Variants in PLS1 observed in about 807,000 individuals in gnomAD.
PLS1 encodes plastin-1.
PLS1 carries 32 observed loss-of-function variants against 73.7 expected under a neutral mutation model. The observed-to-expected ratio is 0.43, with a 90% confidence interval of 0.33 to 0.58. PLS1 has a LOEUF of 0.58. PLS1 is among the 20% of genes least tolerant of loss of function. The probability of loss-of-function intolerance (pLI) is 0.04; values close to 1 mark genes in which losing one functional copy is unlikely to be tolerated. For missense variants in PLS1, 633 were observed against 740.5 expected, an observed-to-expected ratio of 0.85 and a Z score of 1.68; for synonymous variants, 217 against 261.3, an observed-to-expected ratio of 0.83 and a Z score of 1.63.
chr3:142,601,790 T>G (rs933570748), intron 1 of PLS1, among the ~76,000 whole-genome samples: 2 of 152,142 alleles, frequency 1.3e-5, no homozygotes, highest in African/African-American at 4.8e-5. Flanking sequence ...GCCCTGAGAT[T>G]ACAGGCATGA....
intron 14 of PLS1, 49 bp downstream of exon 14, chr3:142,704,635 ATTTTTTTTTTT>A (rs10631186): frequency 1.0e-3 from 270 of 261,880 alleles, no homozygotes; most frequent in South Asian, 2.0e-3. Flanking sequence ...ATAGGAAGGA[ATTTTTTTTTTT>A]TTTTTTTTTT....
intron 1 of PLS1, chr3:142,663,996 T>C (rs2037425758): frequency 7.3e-6 from 2 of 272,200 alleles, no homozygotes; most frequent in East Asian, 1.2e-4. Context: ...GAAAAATAGG[T>C]GTTTCTTCCC....
chr3:142,657,731 G>T (rs1223248687), intron 1 of PLS1, among the ~76,000 whole-genome samples: 1 of 151,934 alleles, frequency 6.6e-6, no homozygotes, highest in Non-Finnish European at 1.5e-5. Flanking sequence ...CTCATGATCC[G>T]CCCACCTCGC....
Position 142,711,547 on chromosome 3 carries a change from C to T in PLS1, c.1676C>T (p.Ala559Val), listed in dbSNP as rs749629040. Residue 559 changes from alanine to valine, a missense_variant, in exon 15 of 16, where the codon GCC becomes GTC. Physicochemically the swap from Ala to Val is moderately conservative, Grantham distance 64. Transcript: ENST00000457734. Reference protein sequence around the residue: ...TSLPVLDLIDAIAPNAVRQEM... With the variant: ...TSLPVLDLIDVIAPNAVRQEM... Reference sequence around the variant, plus strand: ...TTACCTGTCCTAGATTTAATAGATGCCATTGCACCAAATGCAGTTCGTCAA... The same window carrying T: ...TTACCTGTCCTAGATTTAATAGATGTCATTGCACCAAATGCAGTTCGTCAA... The T allele has an allele frequency of 6.3e-6, 10 of 1,599,918 alleles. No homozygotes were observed. The highest frequency in any genetic ancestry group is 2.2e-5 in the East Asian group (1 of 44,730).
chr3:142,621,488 G>A (rs375614119), intron 1 of PLS1, among the ~76,000 whole-genome samples: 4 of 151,948 alleles, frequency 2.6e-5, no homozygotes, highest in African/African-American at 9.7e-5. Flanking sequence ...AGTCATACAT[G>A]GACTATTATG....
rs372511876 is a variant in PLS1 at position 142,628,022 on chromosome 3, T to C, written c.-37+31513T>C. ...ACCATGTACAGAAAGAATTGTTTTG[T>C]AAACCTCTATACTGAGTCATCTAAT... is the stretch of plus-strand genomic sequence containing the variant. On this transcript the variant is annotated intron_variant, in intron 1 of 15. Transcript: ENST00000457734. 3 of 152,330 alleles carry C rather than the reference T, an allele frequency of 2.0e-5. No individual in the cohort carries two copies. The East Asian group carries it at 5.8e-4, about 29-fold the overall frequency. The allele number at this position is 152,330 out of a possible 1,614,324, so 9.4% of individuals were successfully genotyped here.
intron 11 of PLS1, among the ~76,000 whole-genome samples, chr3:142,696,720 AAATAATAATAATAATAATAAT>A (rs370809568): frequency 7.3e-6 from 1 of 136,860 alleles, no homozygotes; most frequent in Non-Finnish European, 1.5e-5. Context: ...TCTATTTGCA[AAATAATAATAATAATAATAAT>A]AATAATAATA....
rs549010466 is a variant in PLS1, at chr3:142,688,554, G to A, written c.982-1064G>A. Among the ~76,000 whole-genome samples, 40 of 152,216 alleles carry A rather than the reference G, an allele frequency of 2.6e-4. 2 individuals are homozygous for A. The South Asian group carries it at 4.4e-3, about 17-fold the overall frequency. Reference sequence around the variant, plus strand: ...TCTTCCCTATCCCACCTCGGTTTTCGCCCAGTGTGGTAACCACAGTCTTGA... The same window carrying A: ...TCTTCCCTATCCCACCTCGGTTTTCACCCAGTGTGGTAACCACAGTCTTGA... On this transcript the variant is annotated intron_variant, in intron 9 of 15. Coordinates refer to ENST00000457734, the MANE Select transcript of PLS1 (RefSeq NM_001145319.2).
intron 1 of PLS1, among the ~76,000 whole-genome samples, chr3:142,624,430 G>A (rs577836419): frequency 6.6e-6 from 1 of 152,264 alleles, no homozygotes; most frequent in Admixed American, 6.5e-5. Flanking sequence ...AGCTGTAGCA[G>A]CCTTACCTTA....
intron 1 of PLS1, among the ~76,000 whole-genome samples, chr3:142,600,105 T>G (rs2035888662): frequency 1.3e-5 from 2 of 152,138 alleles, no homozygotes; most frequent in Admixed American, 6.5e-5. Context: ...TTCTGTGGAC[T>G]GAAAGCCCTC....
At chr3:142,677,908 A>G in intron 5 of PLS1, 124 bp from the exon 6 acceptor site, 1 of 487,770 alleles carries the variant, frequency 2.1e-6, no homozygotes, top group South Asian at 2.8e-5. Context: ...TGCCTGGCTT[A>G]CTGTTTAATA....
intron 12 of PLS1, among the ~76,000 whole-genome samples, chr3:142,702,147 C>T (rs1042743875): frequency 2.0e-5 from 3 of 152,202 alleles, no homozygotes; most frequent in South Asian, 2.1e-4. Flanking sequence ...GCCTTGAACT[C>T]CTGCCCTTAA....
chr3:142,702,514 A>T (rs1385093620), intron 12 of PLS1, among the ~76,000 whole-genome samples: 17 of 152,210 alleles, frequency 1.1e-4, no homozygotes. Context: ...CTCGTGGAAG[A>T]AAATTAAGAA....
At chr3:142,697,922 C>G in intron 11 of PLS1, 31 bp from the exon 12 acceptor site, 2 of 1,293,810 alleles carry the variant, frequency 1.5e-6, no homozygotes, top group South Asian at 1.2e-5. Flanking sequence ...ACATTTCCTC[C>G]TCCTTTATCT....
rs951490606 is a variant in PLS1, at chr3:142,658,118, C to T, written c.-36-6084C>T. Among the ~76,000 whole-genome samples, 3 of 152,198 alleles carry T rather than the reference C, an allele frequency of 2.0e-5. No homozygotes were observed. The South Asian group carries it at 6.2e-4, about 32-fold the overall frequency. On this transcript the variant is annotated intron_variant, in intron 1 of 15. Transcript: ENST00000457734. ...TCAATATAACCTATGTCCATGTACT[C>T]ACTTCCTAGATTGAGCAGACATTAG...
At chr3:142,658,046 A>AT (rs2037280328) in intron 1 of PLS1, among the ~76,000 whole-genome samples, 1 of 152,142 alleles carries the variant, frequency 6.6e-6, no homozygotes, top group East Asian at 1.9e-4. Flanking sequence ...TTTAAGAATA[A>AT]TTTTTTATAA....
At chr3:142,685,061 C>T (rs1376483291) in intron 8 of PLS1, among the ~76,000 whole-genome samples, 1 of 151,790 alleles carries the variant, frequency 6.6e-6, no homozygotes, top group East Asian at 1.9e-4. Context: ...GGCTCTAATT[C>T]ATGTTCCGTC....
chr3:142,671,358 G>A (rs1246944984), intron 4 of PLS1, among the ~76,000 whole-genome samples: 2 of 152,158 alleles, frequency 1.3e-5, no homozygotes, highest in East Asian at 3.8e-4. Flanking sequence ...AGTTCCTGCT[G>A]TGTATCAGGC....
In PLS1 at chr3:142,684,279, G is replaced by A. The variant is rs1254032138; in HGVS notation, c.772G>A (p.Glu258Lys). 1.2e-6 allele frequency: 2 copies of A among 1,614,178 alleles called. No individual in the cohort carries two copies. Among genetic ancestry groups the A allele is most frequent in the South Asian group, 2.2e-5 (2 of 91,086 alleles). The stretch of plus-strand genomic sequence containing the variant: ...TCTGATTGCATTGTTAAATGAAGGT[G>A]AGGAACTAGAGGAGCTGATGAAGCT... ...EALIALLNEGEELEELMKLSP... is the reference protein window; with the variant it reads ...EALIALLNEGKELEELMKLSP... The change falls in exon 8 of 16, where the codon GAG becomes AAG. Residue 258 changes from glutamate to lysine, a missense_variant. Transcript: ENST00000457734.
Sources: gnomAD v4.1 joint callset for allele counts (sites outside exome capture counted in the v4.1 genomes callset) on GRCh38, gnomAD v4.1.1 for gene constraint, MANE v1.5 for transcripts, NCBI Gene and HGNC (gene_info 2026-07-23, HGNC 2026-07-21) for gene names.